CCDC39: variants seen among roughly 807,000 people sequenced by gnomAD.
CCDC39 encodes the protein coiled-coil domain-containing protein 39.
CCDC39 carries 113 observed loss-of-function variants against 121.0 expected under a neutral mutation model. That is an observed-to-expected ratio of 0.93 (90% CI 0.80 to 1.09). The LOEUF (loss-of-function observed/expected upper bound fraction) is 1.09, where lower values mean the gene tolerates loss of function less well. Among genes scored for constraint, CCDC39 ranks in the 50% least tolerant of loss-of-function variants. The pLI is 0.00. For missense variants in CCDC39, 1,063 were observed against 1,074.7 expected (o/e 0.99, Z 0.15); for synonymous variants, 349 against 352.2 (o/e 0.99, Z 0.10).
chr3:180,646,101 A>G (rs1718061257), intron 11 of CCDC39, among the ~76,000 whole-genome samples: 1 of 152,188 alleles, frequency 6.6e-6, no homozygotes, highest in African/African-American at 2.4e-5. Flanking sequence ...CCCATTTAAT[A>G]GACGAGTAAA....
intron 14 of CCDC39, among the ~76,000 whole-genome samples, chr3:180,624,799 CTGTTTT>C (rs1019123129): frequency 9.2e-5 from 14 of 151,900 alleles, no homozygotes; most frequent in Admixed American, 3.3e-4. Context: ...TTATTTTGTT[CTGTTTT>C]TGTTTTTGTT....
Position 180,667,560 on chromosome 3 carries a change from G to T in CCDC39, c.91-3574C>A, listed in dbSNP as rs1711917947. Reference sequence around the variant, plus strand: ...GATGTTACTATTGTGATTGTTTTGGGGTGCCACAAACCGTGCCTCTCTAAG... The same window carrying T: ...GATGTTACTATTGTGATTGTTTTGGTGTGCCACAAACCGTGCCTCTCTAAG... On this transcript the variant is annotated intron_variant, in intron 1 of 19. Coordinates refer to ENST00000476379, the MANE Select transcript of CCDC39 (RefSeq NM_181426.2). 2.0e-5 allele frequency among the ~76,000 whole-genome samples: 3 copies of T among 151,938 alleles called. No individual in the cohort carries two copies. The South Asian group carries it at 6.2e-4, about 32-fold the overall frequency.
At chr3:180,625,741 T>C (rs1432114869) in intron 14 of CCDC39, among the ~76,000 whole-genome samples, 1 of 152,048 alleles carries the variant, frequency 6.6e-6, no homozygotes, top group Non-Finnish European at 1.5e-5. Flanking sequence ...TCTTAGGCAG[T>C]ACACAGGTTC....
In CCDC39 at chr3:180,663,913, A is replaced by G. The variant is rs1560093308; in HGVS notation, c.164T>C (p.Met55Thr). Residue 55 changes from methionine to threonine, a missense_variant, in exon 2 of 20, where the codon ATG (methionine) becomes ACG (threonine). Coordinates refer to ENST00000476379, the MANE Select transcript of CCDC39 (RefSeq NM_181426.2). ...CTTAACATTTTTGAAGTGAGAAGTC[A>G]TAGAATTAATTCGCTCTTCATACTC... The part of the protein sequence containing the change: ...LREYEERINS[M>T]TSHFKNVKQE... The G allele has an allele frequency of 6.2e-7, 1 of 1,612,496 alleles. No individual in the cohort carries two copies. The highest frequency in any genetic ancestry group is 1.7e-4 in the Middle Eastern group (1 of 6,046).
intron 1 of CCDC39, among the ~76,000 whole-genome samples, chr3:180,677,209 T>TATATATAC (rs1712258697): frequency 9.5e-6 from 1 of 105,684 alleles, no homozygotes; most frequent in Non-Finnish European, 2.0e-5. Context: ...TATATATATA[T>TATATATAC]ATATATAAAA....
intron 1 of CCDC39, among the ~76,000 whole-genome samples, chr3:180,667,282 C>T (rs1348245100): frequency 1.3e-5 from 2 of 152,130 alleles, no homozygotes; most frequent in East Asian, 3.9e-4. Context: ...ACACAAGAAA[C>T]TATTCTATCA....
At chr3:180,652,318 CTT>C in intron 7 of CCDC39, 52 bp from the exon 8 acceptor site, 14 of 1,101,350 alleles carry the variant, frequency 1.3e-5, no homozygotes, top group Admixed American at 3.2e-5. Context: ...TATCTTATAA[CTT>C]ATTTCATTTC....
At position 180,644,149 on chromosome 3, in the gene CCDC39, C is replaced by A; in HGVS notation, c.1636G>T (p.Glu546Ter). ...TTAAAACCTTTGGCTTTATCAAGTT[C>A]TTTCTCTGATCTGTCGATGAAAAGG... ...LNLFIDRSEK[E>*]LDKAKGFKQD... Residue 546 changes from glutamate to a stop codon, truncating the protein, a stop_gained, in exon 12 of 20, where the codon GAA (glutamate) becomes TAA (stop). Transcript: ENST00000476379. LOFTEE classifies it high-confidence loss of function. The A allele has an allele frequency of 6.5e-7, 1 of 1,544,578 alleles. No homozygotes were observed. Among genetic ancestry groups the A allele is most frequent in the Non-Finnish European group, 8.7e-7 (1 of 1,144,232 alleles).
At chr3:180,617,629 A>G (rs1052966329) in intron 16 of CCDC39, 1 of 407,636 alleles carries the variant, frequency 2.5e-6, no homozygotes, top group African/African-American at 2.0e-5. Flanking sequence ...AAGTAAAAAA[A>G]CTAAAAATAG....
rs764170054 is a variant in CCDC39 at position 180,654,868 on chromosome 3, T to C, written c.824A>G (p.Asn275Ser). The C allele has an allele frequency of 3.7e-6, 6 of 1,602,572 alleles. No homozygotes were observed. The highest frequency in any genetic ancestry group is 1.7e-5 in the Admixed American group (1 of 58,062). Residue 275 changes from asparagine to serine, a missense_variant, in exon 7 of 20, where the codon AAT becomes AGT. By Grantham distance (46) the Asn-to-Ser change is conservative. Coordinates refer to ENST00000476379, the MANE Select transcript of CCDC39 (RefSeq NM_181426.2). The part of the protein sequence containing the change: ...KIKFLESEIG[N>S]NTEFEKRISV... ...AATTCTTTTCTCAAACTCTGTGTTATTCCCAATCTCACTTTCCAAAAACTT... is the reference window on the plus strand; with the variant it reads ...AATTCTTTTCTCAAACTCTGTGTTACTCCCAATCTCACTTTCCAAAAACTT...
intron 1 of CCDC39, among the ~76,000 whole-genome samples, chr3:180,664,753 T>C (rs1048128784): frequency 4.6e-5 from 7 of 151,484 alleles, no homozygotes; most frequent in Admixed American, 4.6e-4. Context: ...TGGAGTGCAG[T>C]GGCGCGATCT....
At chr3:180,634,684 T>G (rs1349074176) in intron 13 of CCDC39, among the ~76,000 whole-genome samples, 1 of 152,100 alleles carries the variant, frequency 6.6e-6, no homozygotes, top group Non-Finnish European at 1.5e-5. Flanking sequence ...TACAGAGCAC[T>G]GAGAGAGAGC....
chr3:180,633,621 A>G (rs1273428329), intron 13 of CCDC39, among the ~76,000 whole-genome samples: 5 of 152,296 alleles, frequency 3.3e-5, no homozygotes, highest in East Asian at 1.9e-4. Flanking sequence ...GTAAAATACA[A>G]GTAGAAAAAA....
intron 6 of CCDC39, among the ~76,000 whole-genome samples, chr3:180,658,650 T>C (rs576513032): frequency 6.6e-6 from 1 of 152,116 alleles, no homozygotes; most frequent in South Asian, 2.1e-4. Flanking sequence ...TGGTTCTCCT[T>C]TGTCCCTCCT....
At position 180,652,176 on chromosome 3, in the gene CCDC39, C is replaced by A; in HGVS notation, c.1021G>T (p.Glu341Ter). The A allele has an allele frequency of 6.6e-7, 1 of 1,514,002 alleles. No homozygotes were observed. Among genetic ancestry groups the A allele is most frequent in the Non-Finnish European group, 8.9e-7 (1 of 1,126,206 alleles). The allele number at this position is 1,514,002 out of a possible 1,614,324, so 93.8% of individuals were successfully genotyped here. ...NISKIKKDIH[E>*]ETARLQKTKN... ...TTTTTTTCTTACCTTGCTGTTTCTT[C>A]ATGAATGTCCTTCTTTATCTTGGAA... The change falls in exon 8 of 20, where the codon GAA (glutamate) becomes TAA (stop). Residue 341 changes from glutamate to a stop codon, truncating the protein, a stop_gained. Transcript: ENST00000476379. LOFTEE classifies it high-confidence loss of function.
intron 1 of CCDC39, among the ~76,000 whole-genome samples, chr3:180,666,640 G>T (rs1393640621): frequency 6.6e-6 from 1 of 152,054 alleles, no homozygotes; most frequent in African/African-American, 2.4e-5. Context: ...GCAAACTTCT[G>T]ACTTTTAAAT....
At position 180,616,271 on chromosome 3, in the gene CCDC39, C is replaced by T; in HGVS notation, c.2669+10G>A. On this transcript the variant is annotated intron_variant, in intron 19 of 19. Transcript: ENST00000476379. ...GAGTTAAGCAGATTTTTTTTTAACC[C>T]TCCGCTTACCTTGCTGATAGTGAAG... is the stretch of plus-strand genomic sequence containing the variant. 1.2e-6 allele frequency: 2 copies of T among 1,612,074 alleles called. No individual in the cohort carries two copies. Among genetic ancestry groups the T allele is most frequent in the South Asian group, 1.1e-5 (1 of 91,020 alleles).
chr3:180,616,974 A>G lies in CCDC39; in HGVS notation c.2266-8T>C. 7.9e-7 allele frequency: 1 copy of G among 1,269,664 alleles called. No individual in the cohort carries two copies. The highest frequency in any genetic ancestry group is 1.1e-6 in the Non-Finnish European group (1 of 934,268). 78.6% of individuals were successfully genotyped at this position (1,269,664 alleles called of 1,614,324 possible). Reference sequence around the variant, plus strand: ...TAATGTATTTTCCATGCTCTGTAGAAAAAATATTAACATGTATTTTTTAGA... The same window carrying G: ...TAATGTATTTTCCATGCTCTGTAGAGAAAATATTAACATGTATTTTTTAGA... On this transcript the variant is annotated splice_polypyrimidine_tract_variant and splice_region_variant and intron_variant, in intron 16 of 19. Coordinates refer to ENST00000476379, the MANE Select transcript of CCDC39 (RefSeq NM_181426.2).
In CCDC39 at chr3:180,637,782, C is replaced by T. The variant is rs187867272; in HGVS notation, c.1874+4211G>A. On this transcript the variant is annotated intron_variant, in intron 13 of 19. Transcript: ENST00000476379. Reference sequence around the variant, plus strand: ...AATAAGATCTTGTGTTTCATGGGAACGTGGATGGAGCTGGAGGCCATTATC... The same window carrying T: ...AATAAGATCTTGTGTTTCATGGGAATGTGGATGGAGCTGGAGGCCATTATC... Among the ~76,000 whole-genome samples, 10 of 152,158 alleles carry T rather than the reference C, an allele frequency of 6.6e-5. No homozygotes were observed. The East Asian group carries it at 1.7e-3, about 26-fold the overall frequency.
Sources: allele counts gnomAD v4.1 joint callset (sites outside exome capture counted in the v4.1 genomes callset), GRCh38; gene constraint gnomAD v4.1.1; transcripts MANE v1.5; gene names NCBI Gene and HGNC (gene_info 2026-07-23, HGNC 2026-07-21).